CYB5A: variants seen among roughly 807,000 people sequenced by gnomAD.
CYB5A encodes cytochrome b5.
In CYB5A, 10 loss-of-function variants were observed where a neutral mutation model predicts 16.2. That is an observed-to-expected ratio of 0.62 (90% CI 0.38 to 1.04). The LOEUF is 1.04. Ranked by LOEUF, CYB5A falls within the 50% of genes least tolerant of loss-of-function variation. The pLI, the probability that CYB5A is intolerant of heterozygous loss-of-function variation, is 0.01. For missense variants in CYB5A, 161 were observed against 165.9 expected, an observed-to-expected ratio of 0.97 and a Z score of 0.16; for synonymous variants, 62 against 57.0, an observed-to-expected ratio of 1.09 and a Z score of -0.40.
At chr18:74,271,636 CATGTACTT>C (rs1270887249) in intron 1 of CYB5A, among the ~76,000 whole-genome samples, 1 of 151,174 alleles carries the variant, frequency 6.6e-6, no homozygotes, top group Non-Finnish European at 1.5e-5. Flanking sequence ...TCCATCACCT[CATGTACTT>C]ATCGTGTGTG....
At position 74,275,028 on chromosome 18, in the gene CYB5A, A is replaced by G. The variant is rs774934203; in HGVS notation, c.130-11551T>C. Among the ~76,000 whole-genome samples, 10 of 152,182 alleles carry G rather than the reference A, an allele frequency of 6.6e-5. No homozygotes were observed. In the South Asian group the frequency reaches 1.9e-3, roughly 28 times the overall value. ...GATCTCATCCTCAAGTACTGTTTTGACCATTTCTTGTACCCTCCTCAAAAA... is the reference window on the plus strand; with the variant it reads ...GATCTCATCCTCAAGTACTGTTTTGGCCATTTCTTGTACCCTCCTCAAAAA... On this transcript the variant is annotated intron_variant, in intron 1 of 4. Coordinates refer to ENST00000340533, the MANE Select transcript of CYB5A (RefSeq NM_148923.4).
rs567851385 is a variant in CYB5A, at chr18:74,251,243, G to A, written c.*2341C>T. 2.0e-5 allele frequency: 3 copies of A among 152,230 alleles called. No individual in the cohort carries two copies. The highest frequency in any genetic ancestry group is 4.4e-5 in the Non-Finnish European group (3 of 68,056). 9.4% of individuals were successfully genotyped at this position (152,230 alleles called of 1,614,324 possible). On this transcript the variant is annotated 3_prime_UTR_variant, in exon 5 of 5. Coordinates refer to ENST00000340533, the MANE Select transcript of CYB5A (RefSeq NM_148923.4). ...ACATGCCCGTGACAAAGCATCAGGA[G>A]GTCCTAATGACATGTACCCAAGGTG...
chr18:74,287,076 T>C (rs1983348811), intron 1 of CYB5A, among the ~76,000 whole-genome samples: 1 of 152,202 alleles, frequency 6.6e-6, no homozygotes, highest in Admixed American at 6.5e-5. Context: ...GTGGTTTTAC[T>C]ACCACTTTAC....
At position 74,291,940 on chromosome 18, in the gene CYB5A, C is replaced by T; in HGVS notation, c.-65G>A. On this transcript the variant is annotated 5_prime_UTR_variant, in exon 1 of 5. Coordinates refer to ENST00000340533, the MANE Select transcript of CYB5A (RefSeq NM_148923.4). ...GTCGGGTGGAGCAGAGCGCGCGACT[C>T]AGCCAGCTCCACCCGGGACATTCCC... 6.2e-7 allele frequency: 1 copy of T among 1,601,354 alleles called. No homozygotes were observed. Among genetic ancestry groups the T allele is most frequent in the East Asian group, 2.2e-5 (1 of 44,844 alleles).
At chr18:74,255,635 C>T in intron 4 of CYB5A, 106 bp downstream of exon 4, 1 of 919,636 alleles carries the variant, frequency 1.1e-6, no homozygotes, top group Admixed American at 1.7e-5. Context: ...GCTGAGACAG[C>T]ACAGTGTCAG....
Position 74,251,323 on chromosome 18 carries a change from T to C in CYB5A, c.*2261A>G, listed in dbSNP as rs928792314. Reference sequence around the variant, plus strand: ...TAGGGAGACATGAGACATTGATCAATATATGTAAGAAGTACATTGGTTCTG... The same window carrying C: ...TAGGGAGACATGAGACATTGATCAACATATGTAAGAAGTACATTGGTTCTG... On this transcript the variant is annotated 3_prime_UTR_variant, in exon 5 of 5. Coordinates refer to ENST00000340533, the MANE Select transcript of CYB5A (RefSeq NM_148923.4). The C allele has an allele frequency of 6.6e-6, 1 of 152,538 alleles. No individual in the cohort carries two copies. The highest frequency in any genetic ancestry group is 1.5e-5 in the Non-Finnish European group (1 of 68,130). 9.4% of individuals were successfully genotyped at this position (152,538 alleles called of 1,614,324 possible).
At chr18:74,264,937 T>C (rs759144637) in intron 1 of CYB5A, among the ~76,000 whole-genome samples, 5 of 103,668 alleles carry the variant, frequency 4.8e-5, no homozygotes, top group Admixed American at 1.2e-4. Context: ...GCATCCTAAA[T>C]ACGTACTTTT....
intron 1 of CYB5A, among the ~76,000 whole-genome samples, chr18:74,289,939 TAGG>T (rs1178227562): frequency 6.6e-6 from 1 of 152,118 alleles, no homozygotes; most frequent in Non-Finnish European, 1.5e-5. Context: ...AAACTCGCTT[TAGG>T]AGAAGACAAG....
At chr18:74,266,329 C>T in intron 1 of CYB5A, among the ~76,000 whole-genome samples, 1 of 152,190 alleles carries the variant, frequency 6.6e-6, no homozygotes, top group East Asian at 1.9e-4. Context: ...AACTCACAGA[C>T]TGCTGTTACT....
chr18:74,260,835 A>G, intron 3 of CYB5A, 80 bp downstream of exon 3: 1 of 1,238,380 alleles, frequency 8.1e-7, no homozygotes, highest in Non-Finnish European at 1.2e-6. Flanking sequence ...AGTCAGGTAA[A>G]TAAAAACCCT....
At chr18:74,262,346 C>T (rs1301306748) in intron 2 of CYB5A, among the ~76,000 whole-genome samples, 1 of 151,578 alleles carries the variant, frequency 6.6e-6, no homozygotes, top group African/African-American at 2.4e-5. Context: ...ATCCCAGATA[C>T]TTGGGAGGCT....
At chr18:74,289,548 G>A (rs574874058) in intron 1 of CYB5A, among the ~76,000 whole-genome samples, 1 of 152,220 alleles carries the variant, frequency 6.6e-6, no homozygotes, top group African/African-American at 2.4e-5. Context: ...GGCTAAGGTG[G>A]GTGGATCACC....
chr18:74,253,715 G>T, intron 4 of CYB5A, 50 bp from the exon 5 acceptor site: 1 of 1,299,748 alleles, frequency 7.7e-7, no homozygotes, highest in Non-Finnish European at 1.1e-6. Flanking sequence ...CACTGTGGTG[G>T]ACTCAAAATC....
At chr18:74,262,134 C>T (rs551339492) in intron 2 of CYB5A, among the ~76,000 whole-genome samples, 89 of 152,250 alleles carry the variant, frequency 5.8e-4, no homozygotes, top group African/African-American at 1.9e-3. Context: ...GGTCTAAAAC[C>T]GTAACACAGC....
intron 1 of CYB5A, 131 bp from the exon 2 acceptor site, chr18:74,263,608 C>A: frequency 2.5e-6 from 2 of 797,390 alleles, no homozygotes; most frequent in Non-Finnish European, 4.3e-6. Flanking sequence ...ACTAACTTGT[C>A]CATAAATGTG....
intron 1 of CYB5A, among the ~76,000 whole-genome samples, chr18:74,280,527 G>A (rs1039916812): frequency 2.7e-5 from 4 of 150,410 alleles, no homozygotes; most frequent in Admixed American, 6.6e-5. Flanking sequence ...GCAGTGAACC[G>A]TGATCATGCC....
chr18:74,269,157 C>T (rs1982565697), intron 1 of CYB5A, among the ~76,000 whole-genome samples: 1 of 152,206 alleles, frequency 6.6e-6, no homozygotes, highest in African/African-American at 2.4e-5. Context: ...TACACCCCTG[C>T]ATTGTAAACA....
intron 1 of CYB5A, among the ~76,000 whole-genome samples, chr18:74,283,240 C>T (rs1983186658): frequency 6.6e-6 from 1 of 152,204 alleles, no homozygotes; most frequent in East Asian, 1.9e-4. Flanking sequence ...AGAGCAGGAA[C>T]CTCCTCGGAT....
At chr18:74,268,504 G>T (rs542487372) in intron 1 of CYB5A, among the ~76,000 whole-genome samples, 3 of 152,160 alleles carry the variant, frequency 2.0e-5, no homozygotes, top group Non-Finnish European at 4.4e-5. Context: ...CCATGGTAAG[G>T]ATCTAAGTGG....
Sources: gnomAD v4.1 joint callset for allele counts (sites outside exome capture counted in the v4.1 genomes callset) on GRCh38, gnomAD v4.1.1 for gene constraint, MANE v1.5 for transcripts, NCBI Gene and HGNC (gene_info 2026-07-23, HGNC 2026-07-21) for gene names.